The following LRCH1 variants were observed in gnomAD, a reference collection of about 807,000 sequenced individuals.
LRCH1 encodes leucine-rich repeat and calponin homology domain-containing protein 1.
LRCH1 carries 23 observed loss-of-function variants against 94.9 expected under a neutral mutation model. The ratio of observed to expected loss-of-function variants is 0.24; its 90% CI spans 0.17 to 0.34. The LOEUF (loss-of-function observed/expected upper bound fraction) is 0.34. Among genes scored for constraint, LRCH1 ranks in the 10% least tolerant of loss-of-function variants. The probability of loss-of-function intolerance (pLI) is 1.00; values close to 1 mark genes in which losing one functional copy is unlikely to be tolerated. For synonymous variants in LRCH1, 364 were observed against 354.9 expected, an observed-to-expected ratio of 1.03 and a Z score of -0.29; for missense variants, 790 against 945.9, an observed-to-expected ratio of 0.84 and a Z score of 2.16.
chr13:46,583,995 G>A (rs1166454379), intron 1 of LRCH1, among the ~76,000 whole-genome samples: 1 of 151,472 alleles, frequency 6.6e-6, no homozygotes, highest in Non-Finnish European at 1.5e-5. Flanking sequence ...CTTTTCACAC[G>A]TTTTTCCTTC....
At chr13:46,635,239 C>G (rs747781831) in intron 1 of LRCH1, among the ~76,000 whole-genome samples, 92 of 152,226 alleles carry the variant, frequency 6.0e-4, no homozygotes, top group Non-Finnish European at 1.0e-3. Context: ...TTCCCGCAGT[C>G]TGTTCACTGC....
At chr13:46,716,258 G>T (rs1872315107) in intron 16 of LRCH1, among the ~76,000 whole-genome samples, 1 of 152,038 alleles carries the variant, frequency 6.6e-6, no homozygotes, top group South Asian at 2.1e-4. Context: ...CTTGGCCTGA[G>T]AATCAAATGT....
Position 46,742,813 on chromosome 13 carries a change from A to G in LRCH1, c.*965A>G. ...GTCCTGGTGCTTGGGTTATGATGGC[A>G]GGAGTCAAGAAGAAGATTACTTTCA... On this transcript the variant is annotated 3_prime_UTR_variant, in exon 20 of 20. Coordinates refer to ENST00000389797, the MANE Select transcript of LRCH1 (RefSeq NM_001164211.2). The G allele has an allele frequency of 1.0e-6, 1 of 985,394 alleles. No homozygotes were observed. The highest frequency in any genetic ancestry group is 1.2e-6 in the Non-Finnish European group (1 of 829,894). 61.0% of individuals were successfully genotyped at this position (985,394 alleles called of 1,614,324 possible).
At chr13:46,565,904 C>T (rs1268756377) in intron 1 of LRCH1, among the ~76,000 whole-genome samples, 1 of 151,118 alleles carries the variant, frequency 6.6e-6, no homozygotes, top group Non-Finnish European at 1.5e-5. Context: ...CTGAGTCTCG[C>T]AGAGAAGAGT....
intron 2 of LRCH1, among the ~76,000 whole-genome samples, chr13:46,653,574 C>T (rs949257902): frequency 6.6e-6 from 1 of 152,120 alleles, no homozygotes; most frequent in African/African-American, 2.4e-5. Context: ...CCTGTAATCC[C>T]AGCACTTTGG....
Position 46,741,900 on chromosome 13 carries a change from G to T in LRCH1, c.*52G>T. On this transcript the variant is annotated 3_prime_UTR_variant, in exon 20 of 20. Transcript: ENST00000389797. ...GCTCTGTCGCCCTCAACCTTTGCAG[G>T]GTCCTTCCTACCTTTGAGCCTTTGC... The T allele has an allele frequency of 6.2e-7, 1 of 1,608,570 alleles. No homozygotes were observed. The highest frequency in any genetic ancestry group is 8.5e-7 in the Non-Finnish European group (1 of 1,177,050).
intron 8 of LRCH1, among the ~76,000 whole-genome samples, chr13:46,694,027 T>C (rs555377926): frequency 9.2e-5 from 14 of 152,368 alleles, no homozygotes; most frequent in South Asian, 2.1e-4. Context: ...GGGAACCATA[T>C]GTTGTCTAAA....
chr13:46,737,319 C>T (rs1042594950), intron 19 of LRCH1, among the ~76,000 whole-genome samples: 2 of 152,138 alleles, frequency 1.3e-5, no homozygotes, highest in Admixed American at 6.5e-5. Context: ...AAGCTGGTCT[C>T]GAACTCCTAG....
chr13:46,704,674 T>C (rs1210110050), intron 11 of LRCH1, among the ~76,000 whole-genome samples: 1 of 152,102 alleles, frequency 6.6e-6, no homozygotes, highest in Non-Finnish European at 1.5e-5. Context: ...AGATATAATG[T>C]ATATCTCCCT....
chr13:46,657,519 T>C (rs2051389624), intron 2 of LRCH1, among the ~76,000 whole-genome samples: 6 of 58,762 alleles, frequency 1.0e-4, no homozygotes, highest in African/African-American at 3.5e-4. Context: ...TTTTTTTTTT[T>C]TTTTTTTTTT....
chr13:46,737,852 T>G (rs1873460671), intron 19 of LRCH1, among the ~76,000 whole-genome samples: 1 of 152,122 alleles, frequency 6.6e-6, no homozygotes, highest in Non-Finnish European at 1.5e-5. Flanking sequence ...GGATCCAAAT[T>G]TAGGGATATT....
intron 1 of LRCH1, among the ~76,000 whole-genome samples, chr13:46,641,619 G>T (rs1201586110): frequency 6.6e-6 from 1 of 152,142 alleles, no homozygotes; most frequent in South Asian, 2.1e-4. Context: ...CATAAAACAA[G>T]ATGTTGCAAA....
chr13:46,718,940 A>C (rs1872458116), intron 16 of LRCH1, among the ~76,000 whole-genome samples: 1 of 152,284 alleles, frequency 6.6e-6, no homozygotes, highest in African/African-American at 2.4e-5. Context: ...TTAAATGAGA[A>C]AGTGCATTTG....
At chr13:46,677,624 T>C (rs1358586421) in intron 3 of LRCH1, among the ~76,000 whole-genome samples, 1 of 152,206 alleles carries the variant, frequency 6.6e-6, no homozygotes, top group East Asian at 1.9e-4. Flanking sequence ...TTTTAATACT[T>C]CTAGAGACTC....
At chr13:46,707,089 TAATC>T (rs1275573305) in intron 13 of LRCH1, among the ~76,000 whole-genome samples, 1 of 152,216 alleles carries the variant, frequency 6.6e-6, no homozygotes, top group Non-Finnish European at 1.5e-5. Flanking sequence ...ATTTGTGAGT[TAATC>T]TAATGATGCT....
intron 1 of LRCH1, among the ~76,000 whole-genome samples, chr13:46,597,361 CTTT>C (rs767264011): frequency 7.0e-6 from 1 of 143,590 alleles, no homozygotes. Context: ...TCCAGTAGGA[CTTT>C]TTTTTTTTTT....
chr13:46,612,735 A>G (rs1007665361), intron 1 of LRCH1, among the ~76,000 whole-genome samples: 1 of 152,168 alleles, frequency 6.6e-6, no homozygotes, highest in Non-Finnish European at 1.5e-5. Flanking sequence ...GAAGTTTCCA[A>G]CTCCTTGTGC....
chr13:46,737,579 C>A (rs1319459032), intron 19 of LRCH1, among the ~76,000 whole-genome samples: 1 of 152,198 alleles, frequency 6.6e-6, no homozygotes, highest in Admixed American at 6.5e-5. Flanking sequence ...TAGCTGTCTT[C>A]GACCTCTAGT....
intron 1 of LRCH1, among the ~76,000 whole-genome samples, chr13:46,571,585 C>G (rs1471050002): frequency 2.0e-5 from 3 of 152,198 alleles, no homozygotes; most frequent in Non-Finnish European, 4.4e-5. Context: ...TGATGAAATG[C>G]CAAAGTGCTC....
Sources: gnomAD v4.1 joint callset for allele counts (sites outside exome capture counted in the v4.1 genomes callset) on GRCh38, gnomAD v4.1.1 for gene constraint, MANE v1.5 for transcripts, NCBI Gene and HGNC (gene_info 2026-07-23, HGNC 2026-07-21) for gene names.